The following AKAP19 variants were observed in gnomAD, a reference collection of about 807,000 sequenced individuals.
AKAP19 encodes small A-kinase anchoring protein.
the AKAP19 span, among the ~76,000 whole-genome samples, chr2:189,976,485 C>T: frequency 1.3e-5 from 2 of 152,194 alleles, no homozygotes; most frequent in Non-Finnish European, 2.9e-5. Context: ...GCTGGGAGAA[C>T]CACTACTCTC....
chr2:189,881,045 A>G, the AKAP19 span, among the ~76,000 whole-genome samples: 1 of 152,228 alleles, frequency 6.6e-6, no homozygotes, highest in African/African-American at 2.4e-5. Context: ...CACACAGCTA[A>G]TCTAGTGCTC....
the AKAP19 span, among the ~76,000 whole-genome samples, chr2:190,034,299 A>G: frequency 6.6e-6 from 1 of 151,798 alleles, no homozygotes; most frequent in African/African-American, 2.4e-5. Flanking sequence ...ACGTTTAAAT[A>G]TTTTTGCTTC....
At chr2:190,044,334 G>A in the AKAP19 span, among the ~76,000 whole-genome samples, 91 of 152,316 alleles carry the variant, frequency 6.0e-4, 1 homozygote, top group African/African-American at 2.1e-3. Context: ...AATCAGCCCA[G>A]AATGGAGTGT....
At chr2:190,132,074 CA>C in the AKAP19 span, among the ~76,000 whole-genome samples, 1 of 151,442 alleles carries the variant, frequency 6.6e-6, no homozygotes, top group East Asian at 1.9e-4. Context: ...AAATAGCTAC[CA>C]AAAAAATAGG....
At chr2:189,939,822 G>A in the AKAP19 span, among the ~76,000 whole-genome samples, 307 of 152,302 alleles carry the variant, frequency 2.0e-3, 1 homozygote, top group Admixed American at 4.5e-3. Flanking sequence ...TCAGAGGAAA[G>A]GATCAGCAAG....
chr2:190,061,647 TCTTA>T, the AKAP19 span, among the ~76,000 whole-genome samples: 1 of 152,050 alleles, frequency 6.6e-6, no homozygotes, highest in South Asian at 2.1e-4. Flanking sequence ...TCATTATTGT[TCTTA>T]CTAACACATT....
At chr2:190,148,558 G>A in the AKAP19 span, among the ~76,000 whole-genome samples, 14 of 152,138 alleles carry the variant, frequency 9.2e-5, no homozygotes, top group African/African-American at 2.4e-4. Context: ...TCTCTATCTT[G>A]TGGAATAGTG....
chr2:190,083,025 G>A, the AKAP19 span, among the ~76,000 whole-genome samples: 1 of 152,230 alleles, frequency 6.6e-6, no homozygotes, highest in East Asian at 1.9e-4. Flanking sequence ...GCTAAACCAG[G>A]CTATTTAACA....
At chr2:190,051,591 C>T in the AKAP19 span, among the ~76,000 whole-genome samples, 1 of 152,170 alleles carries the variant, frequency 6.6e-6, no homozygotes, top group African/African-American at 2.4e-5. Context: ...TTGTTTCAGT[C>T]ACAGGTATGC....
the AKAP19 span, among the ~76,000 whole-genome samples, chr2:190,168,424 C>T: frequency 6.6e-6 from 1 of 152,030 alleles, no homozygotes; most frequent in Non-Finnish European, 1.5e-5. Context: ...CCCCCCACCG[C>T]CCTCCCCACT....
the AKAP19 span, among the ~76,000 whole-genome samples, chr2:190,003,029 G>A: frequency 6.6e-6 from 1 of 151,746 alleles, no homozygotes; most frequent in African/African-American, 2.4e-5. Context: ...TTCTCTTAAA[G>A]GTTTTCAATG....
the AKAP19 span, among the ~76,000 whole-genome samples, chr2:189,984,234 G>A: frequency 1.4e-4 from 22 of 152,252 alleles, no homozygotes; most frequent in African/African-American, 5.3e-4. Flanking sequence ...ATGGGAGACT[G>A]GAGTCTATCT....
chr2:189,925,226 C>T, the AKAP19 span, among the ~76,000 whole-genome samples: 1 of 152,134 alleles, frequency 6.6e-6, no homozygotes, highest in East Asian at 1.9e-4. Context: ...TGTGTGTTGA[C>T]TGATTGCTGA....
the AKAP19 span, among the ~76,000 whole-genome samples, chr2:189,956,614 TG>T: frequency 6.6e-6 from 1 of 152,206 alleles, no homozygotes; most frequent in Non-Finnish European, 1.5e-5. Context: ...GGTCTCACTC[TG>T]TTGCCCAGGC....
At chr2:190,057,245 C>T in the AKAP19 span, 17 of 1,612,750 alleles carry the variant, frequency 1.1e-5, no homozygotes, top group Non-Finnish European at 1.4e-5. Flanking sequence ...GTTATGAACG[C>T]TTAATATAAA....
the AKAP19 span, among the ~76,000 whole-genome samples, chr2:189,976,934 C>T: frequency 5.3e-5 from 8 of 152,148 alleles, no homozygotes; most frequent in South Asian, 2.1e-4. Flanking sequence ...CTGGGTGAGG[C>T]GATGCCTTGC....
the AKAP19 span, among the ~76,000 whole-genome samples, chr2:190,029,165 G>T: frequency 3.3e-5 from 5 of 151,866 alleles, no homozygotes; most frequent in East Asian, 7.8e-4. Flanking sequence ...CGATTCTCCT[G>T]CCTCAGCCTC....
At chr2:190,115,412 C>T in the AKAP19 span, among the ~76,000 whole-genome samples, 3 of 125,732 alleles carry the variant, frequency 2.4e-5, no homozygotes, top group African/African-American at 9.2e-5. Context: ...CTCCGCCTCC[C>T]GGGTTCACGC....
chr2:189,999,362 A>G, the AKAP19 span, among the ~76,000 whole-genome samples: 1 of 152,100 alleles, frequency 6.6e-6, no homozygotes, highest in Non-Finnish European at 1.5e-5. Context: ...TGGGTTGTTT[A>G]CTTTCCAAAT....
Sources: gnomAD v4.1 joint callset for allele counts (sites outside exome capture counted in the v4.1 genomes callset) on GRCh38, gnomAD v4.1.1 for gene constraint, MANE v1.5 for transcripts, NCBI Gene and HGNC (gene_info 2026-07-23, HGNC 2026-07-21) for gene names.